PLCB1: variants seen among roughly 807,000 people sequenced by gnomAD.
PLCB1 encodes the protein phospholipase C beta 1, also known as 1-phosphatidylinositol 4,5-bisphosphate phosphodiesterase beta-1.
In PLCB1, 46 loss-of-function variants were observed where a neutral mutation model predicts 161.8. The observed-to-expected ratio is 0.28, with a 90% CI of 0.22 to 0.36. The LOEUF is 0.36. Among genes scored for constraint, PLCB1 ranks in the 10% least tolerant of loss-of-function variants. The pLI, the probability that PLCB1 is intolerant of heterozygous loss-of-function variation, is 1.00. For synonymous variants in PLCB1, 517 were observed against 503.7 expected (o/e 1.03, Z -0.35); for missense variants, 1,016 against 1,472.5 (o/e 0.69, Z 5.07).
intron 3 of PLCB1, among the ~76,000 whole-genome samples, chr20:8,561,755 A>G (rs758964181): frequency 6.6e-6 from 1 of 152,050 alleles, no homozygotes; most frequent in Non-Finnish European, 1.5e-5. Flanking sequence ...TCTTCTTTAT[A>G]CCCTAACCTA....
At chr20:8,663,375 A>T (rs1989734473) in intron 9 of PLCB1, among the ~76,000 whole-genome samples, 1 of 152,118 alleles carries the variant, frequency 6.6e-6, no homozygotes, top group Non-Finnish European at 1.5e-5. Flanking sequence ...ATTTTTACAT[A>T]AAAGATAGAC....
intron 25 of PLCB1, 131 bp from the exon 26 acceptor site, chr20:8,765,008 G>A (rs1982241916): frequency 1.5e-6 from 1 of 685,990 alleles, no homozygotes; most frequent in African/African-American, 1.8e-5. Flanking sequence ...AGGTAGAGCT[G>A]ACATCAAGCT....
At chr20:8,651,481 C>T (rs1292114424) in intron 7 of PLCB1, 1 of 724,430 alleles carries the variant, frequency 1.4e-6, no homozygotes. Context: ...AACATTTTCA[C>T]CTTCATTTTA....
intron 9 of PLCB1, among the ~76,000 whole-genome samples, chr20:8,666,589 A>T (rs1470953860): frequency 6.6e-6 from 1 of 152,180 alleles, no homozygotes; most frequent in Non-Finnish European, 1.5e-5. Flanking sequence ...TTATTAGAAG[A>T]GGCAGTTTGC....
At chr20:8,872,628 A>T (rs6086678) in intron 31 of PLCB1, among the ~76,000 whole-genome samples, 100,875 of 151,932 alleles carry the variant, frequency 0.66, 33,578 homozygotes, top group Admixed American at 0.73. Context: ...TTTGCTTTAA[A>T]TTATTGGGAC....
chr20:8,716,877 C>T (rs186041169), intron 13 of PLCB1, among the ~76,000 whole-genome samples: 144 of 152,286 alleles, frequency 9.5e-4, no homozygotes, highest in African/African-American at 3.4e-3. Flanking sequence ...TTCCTTCCCG[C>T]ACCCTTTTGC....
chr20:8,493,724 G>A (rs990518275), intron 3 of PLCB1, among the ~76,000 whole-genome samples: 4 of 113,144 alleles, frequency 3.5e-5, no homozygotes, highest in Non-Finnish European at 5.7e-5. Context: ...ACTGGAAGCT[G>A]AACCTCAGGT....
chr20:8,779,035 A>G (rs1026538106), intron 27 of PLCB1, among the ~76,000 whole-genome samples: 1 of 152,200 alleles, frequency 6.6e-6, no homozygotes, highest in Admixed American at 6.5e-5. Context: ...AAGTGTAATT[A>G]AAAAGTAAGC....
chr20:8,667,226 AG>A (rs1989834070), intron 9 of PLCB1, among the ~76,000 whole-genome samples: 1 of 152,196 alleles, frequency 6.6e-6, no homozygotes, highest in African/African-American at 2.4e-5. Flanking sequence ...GCTGCTGAAA[AG>A]CTACTCTAGG....
At chr20:8,578,185 C>T (rs1486762985) in intron 3 of PLCB1, among the ~76,000 whole-genome samples, 1 of 152,080 alleles carries the variant, frequency 6.6e-6, no homozygotes, top group Non-Finnish European at 1.5e-5. Context: ...AGACACCAAC[C>T]CAGTATTTGG....
intron 3 of PLCB1, among the ~76,000 whole-genome samples, chr20:8,430,612 T>C (rs1432444447): frequency 1.3e-5 from 2 of 152,206 alleles, no homozygotes; most frequent in Non-Finnish European, 2.9e-5. Context: ...CCAACCTAAC[T>C]GCAGCAGTGC....
At chr20:8,212,710 T>C (rs1978893683) in intron 2 of PLCB1, among the ~76,000 whole-genome samples, 1 of 152,150 alleles carries the variant, frequency 6.6e-6, no homozygotes, top group East Asian at 1.9e-4. Flanking sequence ...CTGAATGATA[T>C]ACCCTTGCAT....
chr20:8,689,762 T>C (rs566122738), intron 10 of PLCB1, among the ~76,000 whole-genome samples: 40 of 151,754 alleles, frequency 2.6e-4, no homozygotes, highest in African/African-American at 9.4e-4. Context: ...TCTGAAGTCA[T>C]TCATATGCCC....
At chr20:8,318,303 C>A (rs749994397) in intron 2 of PLCB1, among the ~76,000 whole-genome samples, 32 of 152,228 alleles carry the variant, frequency 2.1e-4, no homozygotes, top group Admixed American at 5.2e-4. Context: ...TAATTCCTAA[C>A]CTGATTTTCT....
chr20:8,550,553 G>A (rs1216833239), intron 3 of PLCB1, among the ~76,000 whole-genome samples: 2 of 152,096 alleles, frequency 1.3e-5, no homozygotes, highest in African/African-American at 4.8e-5. Flanking sequence ...CAGCCATGCA[G>A]AACTGTCAGT....
Position 8,491,120 on chromosome 20 carries a change from A to T in PLCB1, c.246+119670A>T, listed in dbSNP as rs537435553. ...ATTTTGGTGTTTGTGTCATATATAT[A>T]TATAAATATTTGCCTAACTCAAATA... On this transcript the variant is annotated intron_variant, in intron 3 of 31. Coordinates refer to ENST00000338037, the MANE Select transcript of PLCB1 (RefSeq NM_015192.4). Among the ~76,000 whole-genome samples the T allele has an allele frequency of 9.9e-5, 15 of 152,012 alleles. No homozygotes were observed. The East Asian group carries it at 1.7e-3, about 18-fold the overall frequency.
At chr20:8,737,412 C>A (rs1282989904) in intron 20 of PLCB1, among the ~76,000 whole-genome samples, 1 of 151,982 alleles carries the variant, frequency 6.6e-6, no homozygotes, top group East Asian at 1.9e-4. Flanking sequence ...TTCTAGTATG[C>A]CTCAAATGGA....
chr20:8,306,477 C>G (rs888481332), intron 2 of PLCB1: 1 of 152,162 alleles, frequency 6.6e-6, no homozygotes, highest in African/African-American at 2.4e-5. Context: ...GGATTGACTC[C>G]TAGATCGGCT....
At chr20:8,448,103 G>A (rs1161401709) in intron 3 of PLCB1, among the ~76,000 whole-genome samples, 1 of 152,208 alleles carries the variant, frequency 6.6e-6, no homozygotes, top group Non-Finnish European at 1.5e-5. Context: ...CACCAGCCTT[G>A]CAGATTTCTT....
Sources: gnomAD v4.1 joint callset for allele counts (sites outside exome capture counted in the v4.1 genomes callset) on GRCh38, gnomAD v4.1.1 for gene constraint, MANE v1.5 for transcripts, NCBI Gene and HGNC (gene_info 2026-07-23, HGNC 2026-07-21) for gene names.